KCND3: variants seen among roughly 807,000 people sequenced by gnomAD.
KCND3 encodes A-type voltage-gated potassium channel KCND3.
KCND3 carries 9 observed loss-of-function variants against 51.1 expected under a neutral mutation model. The ratio of observed to expected loss-of-function variants is 0.18; its 90% confidence interval spans 0.11 to 0.31. The LOEUF (loss-of-function observed/expected upper bound fraction) is 0.31. Ranked by LOEUF, KCND3 falls within the 10% of genes least tolerant of loss-of-function variation. KCND3 has a pLI of 1.00. For missense variants in KCND3, 526 were observed against 903.8 expected (o/e 0.58, Z 5.36); for synonymous variants, 349 against 368.0 (o/e 0.95, Z 0.59).
At chr1:111,817,390 C>A (rs186865716) in intron 2 of KCND3, among the ~76,000 whole-genome samples, 6 of 152,266 alleles carry the variant, frequency 3.9e-5, no homozygotes, top group African/African-American at 1.4e-4. Context: ...ATGTCCAAGA[C>A]CAAAAGTGGC....
intron 2 of KCND3, among the ~76,000 whole-genome samples, chr1:111,884,798 C>T (rs551030095): frequency 6.6e-6 from 1 of 152,204 alleles, no homozygotes; most frequent in Non-Finnish European, 1.5e-5. Flanking sequence ...CTAGGTGACA[C>T]CAAATTCATC....
chr1:111,797,781 A>G (rs1665121246), intron 2 of KCND3, among the ~76,000 whole-genome samples: 1 of 151,126 alleles, frequency 6.6e-6, no homozygotes, highest in Non-Finnish European at 1.5e-5. Flanking sequence ...GGGTAGTCAC[A>G]TGAAGATTCT....
chr1:111,930,983 C>T (rs1446155518), intron 2 of KCND3, among the ~76,000 whole-genome samples: 1 of 152,198 alleles, frequency 6.6e-6, no homozygotes, highest in Non-Finnish European at 1.5e-5. Flanking sequence ...AGCCCCATCC[C>T]ACGACACCCC....
chr1:111,806,202 T>G (rs1408957572), intron 2 of KCND3, among the ~76,000 whole-genome samples: 2 of 152,160 alleles, frequency 1.3e-5, no homozygotes, highest in African/African-American at 2.4e-5. Flanking sequence ...GGGCACATCT[T>G]TTTCAACAGA....
At chr1:111,890,035 A>C (rs994529275) in intron 2 of KCND3, among the ~76,000 whole-genome samples, 1 of 152,020 alleles carries the variant, frequency 6.6e-6, no homozygotes, top group Non-Finnish European at 1.5e-5. Flanking sequence ...GCATTCAATG[A>C]CTCCAGAGTG....
chr1:111,871,952 C>T (rs72692564), intron 2 of KCND3, among the ~76,000 whole-genome samples: 2,175 of 152,200 alleles, frequency 0.014, 39 homozygotes, highest in East Asian at 0.099. Flanking sequence ...CAAGGAAAGG[C>T]CACTGGATTT....
intron 2 of KCND3, among the ~76,000 whole-genome samples, chr1:111,915,269 C>T (rs2101824391): frequency 1.3e-5 from 2 of 151,708 alleles, no homozygotes; most frequent in East Asian, 1.9e-4. Context: ...TCAATCATAT[C>T]AATAATTACA....
intron 5 of KCND3, 53 bp from the exon 6 acceptor site, chr1:111,778,545 A>G: frequency 1.3e-6 from 2 of 1,533,782 alleles, no homozygotes; most frequent in Non-Finnish European, 1.8e-6. Flanking sequence ...TGTACATTCC[A>G]GCATTCCCAA....
intron 1 of KCND3, among the ~76,000 whole-genome samples, chr1:111,986,116 T>C (rs961681027): frequency 6.6e-6 from 1 of 152,228 alleles, no homozygotes; most frequent in Non-Finnish European, 1.5e-5. Flanking sequence ...CTAGGATTTA[T>C]TTCTAAGGGG....
In KCND3 at chr1:111,817,590, G is replaced by A. The variant is rs529316700; in HGVS notation, c.1107-30484C>T. Among the ~76,000 whole-genome samples, 244 of 152,314 alleles carry A rather than the reference G, an allele frequency of 1.6e-3. 1 individual carries two copies. The highest frequency in any genetic ancestry group is 5.8e-3 in the African/African-American group (241 of 41,570). ...ACATGACAATGTTAACAGTGGTTGGGTTTGAGTGATCAGACTATGGTTAAT... is the reference window on the plus strand; with the variant it reads ...ACATGACAATGTTAACAGTGGTTGGATTTGAGTGATCAGACTATGGTTAAT... On this transcript the variant is annotated intron_variant, in intron 2 of 7. Transcript: ENST00000302127.
chr1:111,797,333 G>A (rs1258788392), intron 2 of KCND3, among the ~76,000 whole-genome samples: 3 of 152,144 alleles, frequency 2.0e-5, no homozygotes, highest in Non-Finnish European at 4.4e-5. Flanking sequence ...GTCAGACATC[G>A]GGTGGGAGAT....
chr1:111,858,635 C>T (rs989814964), intron 2 of KCND3, among the ~76,000 whole-genome samples: 4 of 152,190 alleles, frequency 2.6e-5, no homozygotes, highest in African/African-American at 9.6e-5. Context: ...ACAGTCTCTC[C>T]TGTGCCTGAT....
intron 2 of KCND3, among the ~76,000 whole-genome samples, chr1:111,815,313 C>T (rs1666036530): frequency 6.6e-6 from 1 of 152,050 alleles, no homozygotes. Context: ...CTTTCCTCTT[C>T]TCCTTCTTCA....
intron 2 of KCND3, among the ~76,000 whole-genome samples, chr1:111,894,018 A>G (rs1439724921): frequency 6.6e-6 from 1 of 152,156 alleles, no homozygotes. Context: ...ACCTCCACAC[A>G]TCAGCCAGAG....
At chr1:111,952,505 T>G (rs138797422) in intron 2 of KCND3, among the ~76,000 whole-genome samples, 67 of 152,348 alleles carry the variant, frequency 4.4e-4, no homozygotes, top group African/African-American at 1.5e-3. Flanking sequence ...GCAACAGCAC[T>G]TGCAGCTTCT....
chr1:111,903,908 T>A (rs772021595), intron 2 of KCND3, among the ~76,000 whole-genome samples: 7 of 152,216 alleles, frequency 4.6e-5, no homozygotes, highest in Non-Finnish European at 1.0e-4. Context: ...CTGGTCTTTC[T>A]TATCTTACAA....
intron 2 of KCND3, among the ~76,000 whole-genome samples, chr1:111,898,162 G>C (rs1670208888): frequency 6.6e-6 from 1 of 152,194 alleles, no homozygotes. Flanking sequence ...TCAGGGGGTT[G>C]AGGATTAAAT....
rs1246236886 is a variant in KCND3, at chr1:111,790,073, G to A, written c.1107-2967C>T. Among the ~76,000 whole-genome samples, 5 of 152,222 alleles carry A rather than the reference G, an allele frequency of 3.3e-5. No homozygotes were observed. In the East Asian group the frequency reaches 7.7e-4, roughly 23 times the overall value. On this transcript the variant is annotated intron_variant, in intron 2 of 7. Coordinates refer to ENST00000302127, the MANE Select transcript of KCND3 (RefSeq NM_001378969.1). Reference sequence around the variant, plus strand: ...AAATGAAATAAAGAATGGATCTCAAGTTAGGTCTCCAGTGGTATGTTCCGG... The same window carrying A: ...AAATGAAATAAAGAATGGATCTCAAATTAGGTCTCCAGTGGTATGTTCCGG...
At chr1:111,810,607 T>C (rs1219803006) in intron 2 of KCND3, among the ~76,000 whole-genome samples, 3 of 152,190 alleles carry the variant, frequency 2.0e-5, no homozygotes, top group African/African-American at 7.2e-5. Flanking sequence ...GTGGAAAATG[T>C]CTCTTTCCAG....
Sources: allele counts gnomAD v4.1 joint callset (sites outside exome capture counted in the v4.1 genomes callset), GRCh38; gene constraint gnomAD v4.1.1; transcripts MANE v1.5; gene names NCBI Gene and HGNC (gene_info 2026-07-23, HGNC 2026-07-21).